The following TEX26 variants were observed in gnomAD, a reference collection of about 807,000 sequenced individuals.
TEX26 encodes the protein testis-expressed protein 26.
In TEX26, 34 loss-of-function variants were observed where a neutral mutation model predicts 35.3. The observed-to-expected ratio is 0.96, with a 90% CI of 0.73 to 1.28. TEX26 has a LOEUF of 1.28. Ranked by LOEUF, TEX26 falls within the 50% of genes most tolerant of loss-of-function variation. The pLI, the probability that TEX26 is intolerant of heterozygous loss-of-function variation, is 0.00. For missense variants in TEX26, 371 were observed against 330.1 expected (o/e 1.12, Z -0.96); for synonymous variants, 136 against 111.8 (o/e 1.22, Z -1.36).
chr13:30,959,678 T>C (rs1433656101), intron 4 of TEX26, among the ~76,000 whole-genome samples: 1 of 152,230 alleles, frequency 6.6e-6, no homozygotes, highest in Non-Finnish European at 1.5e-5. Context: ...TTTTTTTCCA[T>C]ACTTTGTTGT....
chr13:30,964,659 A>C (rs1045826626), intron 4 of TEX26, among the ~76,000 whole-genome samples: 1 of 152,238 alleles, frequency 6.6e-6, no homozygotes, highest in African/African-American at 2.4e-5. Flanking sequence ...TGGGTAATCT[A>C]TGATGAAATA....
At chr13:30,974,465 C>T (rs555998801) in intron 6 of TEX26, among the ~76,000 whole-genome samples, 1 of 152,194 alleles carries the variant, frequency 6.6e-6, no homozygotes, top group South Asian at 2.1e-4. Context: ...ACACAGTGTC[C>T]CTAATCTATT....
chr13:30,941,587 G>A (rs1953514321), intron 2 of TEX26, among the ~76,000 whole-genome samples: 2 of 152,082 alleles, frequency 1.3e-5, no homozygotes, highest in African/African-American at 2.4e-5. Context: ...TAGGGTACCC[G>A]TAACTAAAGT....
intron 2 of TEX26, among the ~76,000 whole-genome samples, chr13:30,952,189 A>G (rs1351137462): frequency 6.6e-6 from 1 of 152,002 alleles, no homozygotes; most frequent in South Asian, 2.1e-4. Context: ...AGAAGTTCAT[A>G]GTGTCTGGTG....
intron 2 of TEX26, among the ~76,000 whole-genome samples, chr13:30,946,068 T>C (rs1253804407): frequency 6.6e-6 from 1 of 151,928 alleles, no homozygotes; most frequent in Non-Finnish European, 1.5e-5. Context: ...TTTTACTTAC[T>C]CTTCTCCCTC....
chr13:30,953,204 G>A lies in TEX26; in HGVS notation c.312+379G>A, dbSNP rs7999879. ...TCATACCCATTAAGCAATTACCCCC[G>A]ACTCCACTCCCCACCGTCTGCTTTC... On this transcript the variant is annotated intron_variant, in intron 3 of 6. Coordinates refer to ENST00000380473, the MANE Select transcript of TEX26 (RefSeq NM_152325.3). Among the ~76,000 whole-genome samples the A allele has an allele frequency of 5.2e-3, 784 of 151,970 alleles. 10 individuals carry two copies. The highest frequency in any genetic ancestry group is 0.018 in the African/African-American group (733 of 41,448).
At chr13:30,958,794 T>C (rs1472432520) in intron 4 of TEX26, among the ~76,000 whole-genome samples, 1 of 152,222 alleles carries the variant, frequency 6.6e-6, no homozygotes, top group African/African-American at 2.4e-5. Flanking sequence ...GTATATCCCG[T>C]CTAGCATGTT....
intron 2 of TEX26, among the ~76,000 whole-genome samples, chr13:30,952,209 T>C (rs963285524): frequency 2.0e-5 from 3 of 152,038 alleles, no homozygotes; most frequent in East Asian, 1.9e-4. Context: ...GGTCCTCTTT[T>C]GGAGCTGTGA....
chr13:30,938,673 C>T (rs1384196200), intron 1 of TEX26, among the ~76,000 whole-genome samples: 1 of 152,200 alleles, frequency 6.6e-6, no homozygotes, highest in African/African-American at 2.4e-5. Flanking sequence ...GGGACACATT[C>T]AAACAATAGC....
chr13:30,953,399 T>A (rs1954004924), intron 3 of TEX26, among the ~76,000 whole-genome samples: 1 of 152,246 alleles, frequency 6.6e-6, no homozygotes, highest in Non-Finnish European at 1.5e-5. Context: ...ACTACCCATG[T>A]AGCATCCGTG....
intron 1 of TEX26, among the ~76,000 whole-genome samples, chr13:30,934,515 G>T (rs183589503): frequency 1.6e-4 from 25 of 152,356 alleles, no homozygotes; most frequent in Non-Finnish European, 2.6e-4. Flanking sequence ...AGCTCTGAAG[G>T]TCGAGAGCCT....
At position 30,975,018 on chromosome 13, in the gene TEX26, T is replaced by C. The variant is rs1954836406; in HGVS notation, c.*111T>C. The stretch of plus-strand genomic sequence containing the variant: ...AAAATAAGATGCAAATAGCTTCAAG[T>C]ATGATGTGATAGTCATGAATTTGTG... On this transcript the variant is annotated 3_prime_UTR_variant, in exon 7 of 7. Coordinates refer to ENST00000380473, the MANE Select transcript of TEX26 (RefSeq NM_152325.3). The C allele has an allele frequency of 1.5e-6, 1 of 675,994 alleles. No homozygotes were observed. The highest frequency in any genetic ancestry group is 2.4e-6 in the Non-Finnish European group (1 of 418,722). 41.9% of individuals were successfully genotyped at this position (675,994 alleles called of 1,614,324 possible).
intron 3 of TEX26, among the ~76,000 whole-genome samples, chr13:30,956,149 A>C (rs1954118474): frequency 6.9e-6 from 1 of 145,724 alleles, no homozygotes; most frequent in South Asian, 2.4e-4. Flanking sequence ...ATATATCCTA[A>C]TGCTATCCCT....
At chr13:30,954,275 TATACAC>T (rs1447619206) in intron 3 of TEX26, among the ~76,000 whole-genome samples, 4 of 49,406 alleles carry the variant, frequency 8.1e-5, no homozygotes, top group Admixed American at 3.4e-4. Context: ...TTTATAGACC[TATACAC>T]ACACACACAC....
intron 6 of TEX26, among the ~76,000 whole-genome samples, chr13:30,972,111 G>A (rs1174814794): frequency 2.0e-5 from 3 of 152,124 alleles, no homozygotes; most frequent in African/African-American, 7.2e-5. Context: ...GTAATCTTCG[G>A]GTACAGTAGC....
intron 1 of TEX26, chr13:30,937,050 G>T: frequency 1.1e-6 from 1 of 946,834 alleles, no homozygotes. Context: ...AAAGGAAGAT[G>T]TACCAAAGAT....
rs563965611 is a variant in TEX26, at chr13:30,968,688, T to G, written c.647-197T>G. 5.9e-5 allele frequency among the ~76,000 whole-genome samples: 9 copies of G among 152,276 alleles called. No individual in the cohort carries two copies. The East Asian group carries it at 1.5e-3, about 26-fold the overall frequency. The stretch of plus-strand genomic sequence containing the variant: ...ACTTCCAGCAGCAACAGGCTGGAAG[T>G]CCCTGCAGCTCTGCTCAGCCCTGGT... On this transcript the variant is annotated intron_variant, in intron 5 of 6. Transcript: ENST00000380473.
intron 4 of TEX26, among the ~76,000 whole-genome samples, chr13:30,960,599 A>G (rs998315858): frequency 1.3e-5 from 2 of 152,192 alleles, no homozygotes; most frequent in African/African-American, 2.4e-5. Flanking sequence ...TACAGGTCTC[A>G]TATTTTTAAT....
At chr13:30,932,884 C>A in intron 1 of TEX26, 108 bp downstream of exon 1, 1 of 1,251,558 alleles carries the variant, frequency 8.0e-7, no homozygotes, top group Non-Finnish European at 1.1e-6. Context: ...TGGCATCGCT[C>A]TTAGGAGTAT....
Sources: gnomAD v4.1 joint callset for allele counts (sites outside exome capture counted in the v4.1 genomes callset) on GRCh38, gnomAD v4.1.1 for gene constraint, MANE v1.5 for transcripts, NCBI Gene and HGNC (gene_info 2026-07-23, HGNC 2026-07-21) for gene names.